The following GMDS variants were observed in gnomAD, a reference collection of about 807,000 sequenced individuals.
The protein encoded by GMDS is GDP-mannose 4,6 dehydratase.
GMDS carries 20 observed loss-of-function variants against 49.9 expected under a neutral mutation model. The observed-to-expected ratio is 0.40, with a 90% CI of 0.28 to 0.58. The LOEUF (loss-of-function observed/expected upper bound fraction) is 0.58. GMDS is among the 20% of genes least tolerant of loss of function. The pLI is 0.42. For missense variants in GMDS, 362 were observed against 481.4 expected (o/e 0.75, Z 2.32); for synonymous variants, 177 against 178.6 (o/e 0.99, Z 0.07).
intron 4 of GMDS, among the ~76,000 whole-genome samples, chr6:2,005,222 T>A (rs778610364): frequency 7.2e-5 from 11 of 152,118 alleles, no homozygotes; most frequent in Non-Finnish European, 1.2e-4. Flanking sequence ...GGGGCCTGGA[T>A]TAATAACGTT....
chr6:1,742,485 G>T lies in GMDS; in HGVS notation c.873C>A (p.His291Gln). ...VREFVEKSFL[H>Q]IGKTIVWEGK... is the part of the protein sequence containing the mutation. ...ATACTTACACAATGGTTTTTCCAAT[G>T]TGCAAGAATGATTTCTCGACAAATT... is the stretch of plus-strand genomic sequence containing the variant. Residue 291 changes from histidine to glutamine, a missense_variant, in exon 8 of 11, where the codon CAC becomes CAA. His to Gln is a conservative substitution (Grantham distance 24). Transcript: ENST00000380815. 1 of 1,596,772 alleles carries T rather than the reference G, an allele frequency of 6.3e-7. No individual in the cohort carries two copies. Among genetic ancestry groups the T allele is most frequent in the Non-Finnish European group, 8.6e-7 (1 of 1,164,446 alleles).
At chr6:1,927,874 T>C (rs1762102107) in intron 7 of GMDS, among the ~76,000 whole-genome samples, 1 of 152,200 alleles carries the variant, frequency 6.6e-6, no homozygotes, top group African/African-American at 2.4e-5. Flanking sequence ...ATTTAAAATC[T>C]ATGGAAAATA....
chr6:1,697,692 G>C (rs1765392366), intron 9 of GMDS, among the ~76,000 whole-genome samples: 1 of 152,198 alleles, frequency 6.6e-6, no homozygotes, highest in African/African-American at 2.4e-5. Context: ...ATCAGGCCTA[G>C]GAATCTGGGT....
chr6:1,624,759 G>T (rs549535223), intron 9 of GMDS: 5 of 496,154 alleles, frequency 1.0e-5, no homozygotes, highest in Non-Finnish European at 1.8e-5. Flanking sequence ...CGTGAGGACC[G>T]TGACCGCGAT....
chr6:1,703,957 C>T (rs924141168), intron 9 of GMDS, among the ~76,000 whole-genome samples: 9 of 152,136 alleles, frequency 5.9e-5, no homozygotes, highest in Non-Finnish European at 4.4e-5. Flanking sequence ...GAACATTGTC[C>T]TTGCAAACCA....
At chr6:1,954,465 G>T (rs549355064) in intron 6 of GMDS, among the ~76,000 whole-genome samples, 1 of 152,368 alleles carries the variant, frequency 6.6e-6, no homozygotes, top group African/African-American at 2.4e-5. Context: ...CCAGTGCTGT[G>T]TAACAGCATT....
chr6:2,053,289 T>C (rs1301292171), intron 4 of GMDS, among the ~76,000 whole-genome samples: 1 of 152,074 alleles, frequency 6.6e-6, no homozygotes, highest in Non-Finnish European at 1.5e-5. Flanking sequence ...TCCTTAAAAA[T>C]TAATAGTCTT....
At chr6:2,081,679 C>T (rs1772707627) in intron 4 of GMDS, among the ~76,000 whole-genome samples, 1 of 152,104 alleles carries the variant, frequency 6.6e-6, no homozygotes, top group Admixed American at 6.5e-5. Context: ...CCACAGTGTA[C>T]CGATTTGCTT....
Position 2,211,327 on chromosome 6 carries a change from A to C in GMDS, c.102+33994T>G, listed in dbSNP as rs569099368. On this transcript the variant is annotated intron_variant, in intron 1 of 10. Transcript: ENST00000380815. ...GGCCATGTCTACCACGTTCATTCCC[A>C]CCTGAACATAGTGGGTGTTCAGCAA... Among the ~76,000 whole-genome samples, 6 of 152,270 alleles carry C rather than the reference A, an allele frequency of 3.9e-5. No individual in the cohort carries two copies. In the South Asian group the frequency reaches 1.0e-3, roughly 26 times the overall value.
intron 7 of GMDS, among the ~76,000 whole-genome samples, chr6:1,822,760 A>G (rs139256467): frequency 4.1e-4 from 63 of 152,338 alleles, no homozygotes; most frequent in African/African-American, 1.4e-3. Context: ...AAGTCAGGTT[A>G]CAATAATATA....
At chr6:1,835,169 C>A (rs4959613) in intron 7 of GMDS, among the ~76,000 whole-genome samples, 68,257 of 151,658 alleles carry the variant, frequency 0.45, 18,259 homozygotes, top group Non-Finnish European at 0.59. Context: ...AAGGGGGGGT[C>A]TGTCAGGGAA....
At chr6:1,777,514 C>T (rs982091530) in intron 7 of GMDS, among the ~76,000 whole-genome samples, 2 of 152,222 alleles carry the variant, frequency 1.3e-5, no homozygotes, top group African/African-American at 4.8e-5. Flanking sequence ...CACACCAGCT[C>T]CATCTGGAGA....
At chr6:1,767,651 C>T (rs1581158876) in intron 7 of GMDS, among the ~76,000 whole-genome samples, 1 of 152,128 alleles carries the variant, frequency 6.6e-6, no homozygotes, top group South Asian at 2.1e-4. Flanking sequence ...GAGTCTGGAG[C>T]GAGTTTCTCT....
At chr6:2,241,810 T>C (rs945677934) in intron 1 of GMDS, among the ~76,000 whole-genome samples, 6 of 152,220 alleles carry the variant, frequency 3.9e-5, no homozygotes, top group Non-Finnish European at 8.8e-5. Context: ...CTCTTTTCTT[T>C]ATAAATTACC....
chr6:1,724,610 C>T, intron 9 of GMDS, among the ~76,000 whole-genome samples: 1 of 152,186 alleles, frequency 6.6e-6, no homozygotes, highest in East Asian at 1.9e-4. Flanking sequence ...TCTGAGATGA[C>T]CATTTTTGAT....
intron 7 of GMDS, among the ~76,000 whole-genome samples, chr6:1,743,892 A>T (rs4959605): frequency 0.43 from 64,906 of 151,956 alleles, 14,484 homozygotes; most frequent in East Asian, 0.65. Flanking sequence ...TTCTCAAAAT[A>T]AAATAGGTAA....
Position 2,141,515 on chromosome 6 carries a change from C to T in GMDS, c.103-16784G>A, listed in dbSNP as rs531991967. On this transcript the variant is annotated intron_variant, in intron 1 of 10. Coordinates refer to ENST00000380815, the MANE Select transcript of GMDS (RefSeq NM_001500.4). ...ACCAGAACGTATCCCAGCTTATGTGCCTACAGGTAGGTGCCCACCTCCTGA... is the reference window on the plus strand; with the variant it reads ...ACCAGAACGTATCCCAGCTTATGTGTCTACAGGTAGGTGCCCACCTCCTGA... 4.5e-4 allele frequency among the ~76,000 whole-genome samples: 68 copies of T among 152,290 alleles called. 1 individual carries two copies. Among genetic ancestry groups the T allele is most frequent in the African/African-American group, 1.5e-3 (61 of 41,542 alleles).
intron 1 of GMDS, among the ~76,000 whole-genome samples, chr6:2,149,455 C>T (rs989439458): frequency 5.3e-5 from 8 of 152,098 alleles, no homozygotes; most frequent in Non-Finnish European, 5.9e-5. Context: ...ACAATAAACA[C>T]GCACATAAGG....
intron 4 of GMDS, among the ~76,000 whole-genome samples, chr6:2,003,038 T>C (rs1274254135): frequency 6.6e-6 from 1 of 152,142 alleles, no homozygotes; most frequent in Non-Finnish European, 1.5e-5. Context: ...TATAGAACAC[T>C]GGCTACCACA....
Sources: gnomAD v4.1 joint callset for allele counts (sites outside exome capture counted in the v4.1 genomes callset) on GRCh38, gnomAD v4.1.1 for gene constraint, MANE v1.5 for transcripts, NCBI Gene and HGNC (gene_info 2026-07-23, HGNC 2026-07-21) for gene names.